Variants in RBFOX3 observed in about 807,000 individuals in gnomAD.
The protein encoded by RBFOX3 is RNA binding protein fox-1 homolog 3.
A neutral mutation model predicts 48.7 loss-of-function variants in RBFOX3; 17 were observed. The observed-to-expected ratio is 0.35, with a 90% confidence interval of 0.24 to 0.52. The LOEUF is 0.52. Ranked by LOEUF, RBFOX3 falls within the 20% of genes least tolerant of loss-of-function variation. RBFOX3 has a pLI of 0.94. For synonymous variants in RBFOX3, 212 were observed against 209.5 expected (o/e 1.01, Z -0.10); for missense variants, 382 against 497.5 (o/e 0.77, Z 2.21).
chr17:79,463,087 T>C (rs1410244718), intron 2 of RBFOX3, among the ~76,000 whole-genome samples: 32 of 97,150 alleles, frequency 3.3e-4, no homozygotes, highest in African/African-American at 7.6e-4. Flanking sequence ...CCACCGACTT[T>C]GCCACTGCCA....
At chr17:79,571,384 G>C (rs2092672424) in intron 1 of RBFOX3, among the ~76,000 whole-genome samples, 1 of 152,160 alleles carries the variant, frequency 6.6e-6, no homozygotes, top group African/African-American at 2.4e-5. Flanking sequence ...GCTACGGCCA[G>C]GCCTCCCTCT....
At chr17:79,656,895 G>GGAGGGAA in the RBFOX3 span, among the ~76,000 whole-genome samples, 3 of 116,316 alleles carry the variant, frequency 2.6e-5, no homozygotes, top group African/African-American at 7.5e-5. Flanking sequence ...GAAGGAAGGA[G>GGAGGGAA]GGAAGGAAGG....
At chr17:79,127,534 A>C (rs2037618577) in intron 4 of RBFOX3, among the ~76,000 whole-genome samples, 1 of 152,198 alleles carries the variant, frequency 6.6e-6, no homozygotes, top group South Asian at 2.1e-4. Context: ...CAGGTCAAAG[A>C]AGTTTTAGGG....
chr17:79,240,668 C>T (rs563910283), intron 3 of RBFOX3, among the ~76,000 whole-genome samples: 1 of 152,192 alleles, frequency 6.6e-6, no homozygotes, highest in Non-Finnish European at 1.5e-5. Flanking sequence ...TAAAATTGTT[C>T]TTTTTATTTT....
intron 1 of RBFOX3, among the ~76,000 whole-genome samples, chr17:79,560,819 T>A (rs1367625523): frequency 6.6e-6 from 1 of 152,212 alleles, no homozygotes; most frequent in Non-Finnish European, 1.5e-5. Flanking sequence ...CTGGGTGGCA[T>A]GCGGAGGACT....
intron 1 of RBFOX3, among the ~76,000 whole-genome samples, chr17:79,559,947 C>T (rs1318588212): frequency 1.0e-5 from 1 of 98,294 alleles, no homozygotes; most frequent in African/African-American, 4.4e-5. Context: ...GGTGGATGGT[C>T]GGTGGTGAAT....
At chr17:79,284,757 G>C (rs9914873) in intron 3 of RBFOX3, among the ~76,000 whole-genome samples, 88,995 of 151,742 alleles carry the variant, frequency 0.59, 26,401 homozygotes, top group African/African-American at 0.66. Flanking sequence ...CCAGGCTGGT[G>C]TCGAACTCCT....
chr17:79,134,094 A>C (rs1006696184), intron 4 of RBFOX3, among the ~76,000 whole-genome samples: 3 of 152,066 alleles, frequency 2.0e-5, no homozygotes, highest in Admixed American at 2.0e-4. Context: ...GCAGGACCCC[A>C]CCCTTGCACT....
At chr17:79,450,551 T>TA (rs1555740964) in intron 2 of RBFOX3, among the ~76,000 whole-genome samples, 2 of 151,608 alleles carry the variant, frequency 1.3e-5, no homozygotes, top group Non-Finnish European at 2.9e-5. Flanking sequence ...ATTTTTTTTT[T>TA]TATATTATGA....
At chr17:79,154,012 T>C (rs919082140) in intron 4 of RBFOX3, among the ~76,000 whole-genome samples, 1 of 152,170 alleles carries the variant, frequency 6.6e-6, no homozygotes, top group Admixed American at 6.5e-5. Flanking sequence ...CAGCACACAC[T>C]GGACCGTGCC....
chr17:79,366,546 C>T (rs772098882), intron 2 of RBFOX3, among the ~76,000 whole-genome samples: 18 of 152,206 alleles, frequency 1.2e-4, no homozygotes, highest in Non-Finnish European at 4.4e-5. Context: ...ATGAATAGAG[C>T]ACCACTTCCC....
chr17:79,219,353 T>A (rs2059437275), intron 4 of RBFOX3, among the ~76,000 whole-genome samples: 1 of 152,248 alleles, frequency 6.6e-6, no homozygotes, highest in Non-Finnish European at 1.5e-5. Context: ...TAGAGGCTGA[T>A]GATCCGGGGA....
chr17:79,382,559 T>TGG lies in RBFOX3; in HGVS notation c.-174-74737_-174-74736dup. Among the ~76,000 whole-genome samples the TGG allele has an allele frequency of 2.0e-5, 3 of 148,166 alleles. No homozygotes were observed. The South Asian group carries it at 6.5e-4, about 32-fold the overall frequency. ...ACGGGCAGGCGGGGCCCCTGTGAAC[T>TGG]GGTTCCACATGTGCTTGCTGGGGAA... is the stretch of plus-strand genomic sequence containing the variant. On this transcript the variant is annotated intron_variant, in intron 2 of 14. Transcript: ENST00000693108.
intron 4 of RBFOX3, among the ~76,000 whole-genome samples, chr17:79,141,359 G>A (rs2041881274): frequency 6.6e-6 from 1 of 152,206 alleles, no homozygotes; most frequent in Non-Finnish European, 1.5e-5. Flanking sequence ...TACCCAGAGA[G>A]CAGGGAAGGC....
Position 79,551,504 on chromosome 17 carries a change from C to T in RBFOX3, c.-320+59322G>A, listed in dbSNP as rs1471590231. On this transcript the variant is annotated intron_variant, in intron 1 of 14. Transcript: ENST00000693108. ...GTGGATGGACGGGTGGGTGGATGGA[C>T]GGGTAGGTGGATGGGTGGATGGATG... Among the ~76,000 whole-genome samples, 8 of 56,810 alleles carry T rather than the reference C, an allele frequency of 1.4e-4. No individual in the cohort carries two copies. In the East Asian group the frequency reaches 2.9e-3, roughly 20 times the overall value. The allele number at this position is 56,810 out of a possible 152,430, so 37.3% of individuals were successfully genotyped here.
chr17:79,415,670 T>A (rs565163221), intron 2 of RBFOX3, among the ~76,000 whole-genome samples: 1 of 152,234 alleles, frequency 6.6e-6, no homozygotes, highest in Admixed American at 6.5e-5. Flanking sequence ...TCAGTTACGA[T>A]GGGCACACAG....
At position 79,190,257 on chromosome 17, in the gene RBFOX3, C is replaced by T. The variant is rs535234101; in HGVS notation, c.-34+45509G>A. Reference sequence around the variant, plus strand: ...TGAAACCCCATCTCTACTAAAAATACAAAATTAGCCAGGCGTGGTGACACA... The same window carrying T: ...TGAAACCCCATCTCTACTAAAAATATAAAATTAGCCAGGCGTGGTGACACA... On this transcript the variant is annotated intron_variant, in intron 4 of 14. Coordinates refer to ENST00000693108, the MANE Select transcript of RBFOX3 (RefSeq NM_001350451.2). 6.2e-4 allele frequency among the ~76,000 whole-genome samples: 95 copies of T among 152,184 alleles called. 1 individual carries two copies. The highest frequency in any genetic ancestry group is 2.2e-3 in the African/African-American group (92 of 41,548).
intron 3 of RBFOX3, among the ~76,000 whole-genome samples, chr17:79,265,287 T>TG (rs1345671782): frequency 1.3e-5 from 2 of 152,188 alleles, no homozygotes; most frequent in South Asian, 2.1e-4. Context: ...AAGCCGGCCC[T>TG]GGGGGGCCAC....
chr17:79,370,415 C>T (rs576550797), intron 2 of RBFOX3, among the ~76,000 whole-genome samples: 1 of 152,342 alleles, frequency 6.6e-6, no homozygotes, highest in South Asian at 2.1e-4. Context: ...CGACCATGCT[C>T]ACATGCTCAC....
Sources: allele counts gnomAD v4.1 joint callset (sites outside exome capture counted in the v4.1 genomes callset), GRCh38; gene constraint gnomAD v4.1.1; transcripts MANE v1.5; gene names NCBI Gene and HGNC (gene_info 2026-07-23, HGNC 2026-07-21).